The following PLSCR4 variants were observed in gnomAD, a reference collection of about 807,000 sequenced individuals.
PLSCR4 encodes the protein phospholipid scramblase 4.
A neutral mutation model predicts 36.3 loss-of-function variants in PLSCR4; 25 were observed. The ratio of observed to expected loss-of-function variants is 0.69; its 90% CI spans 0.50 to 0.96. PLSCR4 has a LOEUF of 0.96. PLSCR4 is among the 40% of genes least tolerant of loss of function. The probability of loss-of-function intolerance (pLI) is 0.00; values close to 1 mark genes in which losing one functional copy is unlikely to be tolerated. For missense variants in PLSCR4, 408 were observed against 414.7 expected (o/e 0.98, Z 0.14); for synonymous variants, 122 against 132.9 (o/e 0.92, Z 0.56).
intron 3 of PLSCR4, 23 bp downstream of exon 3, chr3:146,220,792 T>A: frequency 1.4e-6 from 2 of 1,393,402 alleles, no homozygotes; most frequent in Non-Finnish European, 2.0e-6. Context: ...AAGGAGAATA[T>A]CTTTTATGAA....
chr3:146,218,307 T>C (rs1453980151), intron 3 of PLSCR4, among the ~76,000 whole-genome samples: 1 of 151,902 alleles, frequency 6.6e-6, no homozygotes, highest in African/African-American at 2.4e-5. Flanking sequence ...ACAATGTAAC[T>C]AAAAATCATA....
chr3:146,195,713 C>T lies in PLSCR4; in HGVS notation c.787-431G>A, dbSNP rs151008328. ...AAATTCACCTTGTCTTCTTAATATA[C>T]GGCCAGATACCAACGAGCTTCAGTT... is the stretch of plus-strand genomic sequence containing the variant. On this transcript the variant is annotated intron_variant, in intron 7 of 8. Transcript: ENST00000354952. 4.1e-4 allele frequency among the ~76,000 whole-genome samples: 63 copies of T among 152,252 alleles called. 1 individual carries two copies. Among genetic ancestry groups the T allele is most frequent in the African/African-American group, 1.3e-3 (52 of 41,566 alleles).
intron 1 of PLSCR4, among the ~76,000 whole-genome samples, chr3:146,235,705 T>C (rs1291300573): frequency 2.0e-5 from 3 of 152,122 alleles, no homozygotes; most frequent in African/African-American, 7.2e-5. Context: ...GAGGGAAATA[T>C]TGAAACTTCC....
At chr3:146,195,103 A>G (rs1311274209) in intron 8 of PLSCR4, 21 bp downstream of exon 8, 2 of 1,609,926 alleles carry the variant, frequency 1.2e-6, no homozygotes, top group African/African-American at 2.7e-5. Context: ...TCTCAGGATA[A>G]CTCAAAAATA....
At chr3:146,212,168 CT>C (rs2034658570) in intron 3 of PLSCR4, among the ~76,000 whole-genome samples, 1 of 152,006 alleles carries the variant, frequency 6.6e-6, no homozygotes, top group Non-Finnish European at 1.5e-5. Context: ...TGTAAAATGC[CT>C]TTCCACTTAC....
At chr3:146,233,209 A>G (rs1439843670) in intron 1 of PLSCR4, among the ~76,000 whole-genome samples, 4 of 152,144 alleles carry the variant, frequency 2.6e-5, no homozygotes, top group African/African-American at 9.6e-5. Context: ...ATTACAAAAT[A>G]TAATTCTCTC....
intron 1 of PLSCR4, chr3:146,223,602 C>T (rs1293794091): frequency 6.6e-6 from 1 of 151,920 alleles, no homozygotes. Flanking sequence ...ATTAGTGAGT[C>T]ATCAATATGG....
chr3:146,195,612 C>T (rs940379715), intron 7 of PLSCR4, among the ~76,000 whole-genome samples: 3 of 152,132 alleles, frequency 2.0e-5, no homozygotes, highest in Non-Finnish European at 2.9e-5. Context: ...GAGTCACTTC[C>T]AAACTAGGGA....
At position 146,220,832 on chromosome 3, in the gene PLSCR4, T is replaced by G. The variant is rs3762685; in HGVS notation, c.101A>C (p.Asn34Thr). 3.7e-6 allele frequency: 6 copies of G among 1,602,896 alleles called. No homozygotes were observed. The Admixed American group carries it at 1.0e-4, about 27-fold the overall frequency. The change falls in exon 3 of 9, where the codon AAT becomes ACT. Residue 34 changes from asparagine (N) to threonine (T), a missense_variant. Coordinates refer to ENST00000354952, the MANE Select transcript of PLSCR4 (RefSeq NM_020353.3). The stretch of plus-strand genomic sequence containing the variant: ...TAACCCACCTGGTAAAAAATGAGAA[T>G]TGTATTCAGGAGGAGCATCAGGCCT... ...DPRPDAPPEY[N>T]SHFLPGPPGT...
At chr3:146,241,789 A>T (rs1241516846) in intron 1 of PLSCR4, among the ~76,000 whole-genome samples, 1 of 152,208 alleles carries the variant, frequency 6.6e-6, no homozygotes, top group Non-Finnish European at 1.5e-5. Context: ...AAAATATTAC[A>T]AAAAAATTAA....
intron 1 of PLSCR4, among the ~76,000 whole-genome samples, chr3:146,230,697 G>A (rs187085136): frequency 1.2e-4 from 18 of 152,064 alleles, no homozygotes; most frequent in Admixed American, 1.1e-3. Context: ...GGAAAGGAGA[G>A]GGACAGGAGG....
intron 1 of PLSCR4, among the ~76,000 whole-genome samples, chr3:146,243,797 G>A (rs1406822669): frequency 6.6e-6 from 1 of 152,122 alleles, no homozygotes; most frequent in Admixed American, 6.6e-5. Flanking sequence ...TCATCCATCA[G>A]AATGCTTCCT....
chr3:146,222,622 T>A (rs1241349102), intron 1 of PLSCR4, among the ~76,000 whole-genome samples: 1 of 151,940 alleles, frequency 6.6e-6, no homozygotes, highest in Non-Finnish European at 1.5e-5. Context: ...GAGAAAGTGG[T>A]TTAGGAGTGA....
Position 146,194,384 on chromosome 3 carries a change from C to A in PLSCR4, c.*27G>T, listed in dbSNP as rs1559894010. Reference sequence around the variant, plus strand: ...CAACTTTTCCATTTTTCAAAATTAACCATAGTTGATGGCTTGCTGTGTCTC... The same window carrying A: ...CAACTTTTCCATTTTTCAAAATTAAACATAGTTGATGGCTTGCTGTGTCTC... On this transcript the variant is annotated 3_prime_UTR_variant, in exon 9 of 9. Coordinates refer to ENST00000354952, the MANE Select transcript of PLSCR4 (RefSeq NM_020353.3). 6.4e-7 allele frequency: 1 copy of A among 1,552,444 alleles called. No individual in the cohort carries two copies. The highest frequency in any genetic ancestry group is 8.9e-7 in the Non-Finnish European group (1 of 1,125,218).
At chr3:146,209,391 C>T (rs796489761) in intron 3 of PLSCR4, among the ~76,000 whole-genome samples, 2 of 152,088 alleles carry the variant, frequency 1.3e-5, no homozygotes, top group African/African-American at 4.8e-5. Context: ...TAACCAAATA[C>T]CACCTGTTCC....
chr3:146,215,968 C>A (rs572115715), intron 3 of PLSCR4, among the ~76,000 whole-genome samples: 5 of 152,172 alleles, frequency 3.3e-5, no homozygotes, highest in Admixed American at 1.3e-4. Context: ...CTGTGGCTCA[C>A]GCCTGTAATC....
At chr3:146,242,816 G>C (rs72992931) in intron 1 of PLSCR4, among the ~76,000 whole-genome samples, 8,162 of 152,190 alleles carry the variant, frequency 0.054, 543 homozygotes, top group African/African-American at 0.15. Context: ...CTTTACAGTT[G>C]TAAAGGCTAC....
At chr3:146,225,344 A>G (rs34522376) in intron 1 of PLSCR4, among the ~76,000 whole-genome samples, 5,535 of 152,336 alleles carry the variant, frequency 0.036, 153 homozygotes, top group South Asian at 0.073. Flanking sequence ...CTTCCCCACC[A>G]GACTCAGGAG....
chr3:146,198,260 G>A (rs887583136), intron 6 of PLSCR4, among the ~76,000 whole-genome samples: 5 of 151,276 alleles, frequency 3.3e-5, no homozygotes, highest in African/African-American at 7.3e-5. Flanking sequence ...TGTGCTGATG[G>A]AAACAGGAAT....
Sources: allele counts gnomAD v4.1 joint callset (sites outside exome capture counted in the v4.1 genomes callset), GRCh38; gene constraint gnomAD v4.1.1; transcripts MANE v1.5; gene names NCBI Gene and HGNC (gene_info 2026-07-23, HGNC 2026-07-21).